The following SEMA5A variants were observed in gnomAD, a reference collection of about 807,000 sequenced individuals.
SEMA5A encodes the protein semaphorin-5A.
A neutral mutation model predicts 135.5 loss-of-function variants in SEMA5A; 55 were observed. The observed-to-expected ratio is 0.41, with a 90% CI of 0.33 to 0.51. The LOEUF is 0.51. SEMA5A is among the 20% of genes least tolerant of loss of function. The pLI is 0.37. For synonymous variants in SEMA5A, 580 were observed against 546.5 expected (o/e 1.06, Z -0.85); for missense variants, 1,290 against 1,419.9 (o/e 0.91, Z 1.47).
chr5:9,248,256 G>A (rs189369761), intron 5 of SEMA5A, among the ~76,000 whole-genome samples: 1 of 152,024 alleles, frequency 6.6e-6, no homozygotes, highest in East Asian at 1.9e-4. Context: ...GATGCCTTTT[G>A]TTATAATTTT....
chr5:9,131,977 G>T (rs1472548839), intron 13 of SEMA5A, among the ~76,000 whole-genome samples: 1 of 152,138 alleles, frequency 6.6e-6, no homozygotes, highest in Non-Finnish European at 1.5e-5. Context: ...ACAACATTAT[G>T]ATTTATGCAG....
intron 19 of SEMA5A, 183 bp downstream of exon 19, chr5:9,053,904 T>A (rs1736736411): frequency 1.7e-6 from 1 of 577,682 alleles, no homozygotes; most frequent in African/African-American, 1.9e-5. Flanking sequence ...TATAGCTCAG[T>A]GAGAACTATT....
At chr5:9,376,132 C>T (rs1579437334) in intron 3 of SEMA5A, among the ~76,000 whole-genome samples, 2 of 152,220 alleles carry the variant, frequency 1.3e-5, no homozygotes, top group South Asian at 2.1e-4. Context: ...CAGTAGCAGC[C>T]TCAGAATGGG....
At chr5:9,308,867 C>T (rs1751995169) in intron 5 of SEMA5A, among the ~76,000 whole-genome samples, 1 of 152,118 alleles carries the variant, frequency 6.6e-6, no homozygotes, top group Admixed American at 6.6e-5. Context: ...TGAGATGATG[C>T]TTGCAAAGTG....
At chr5:9,109,241 C>T (rs1313375179) in intron 15 of SEMA5A, among the ~76,000 whole-genome samples, 2 of 151,508 alleles carry the variant, frequency 1.3e-5, no homozygotes, top group African/African-American at 4.9e-5. Context: ...GGGGTTTCAC[C>T]GTTTTAGCCG....
At position 9,093,136 on chromosome 5, in the gene SEMA5A, G is replaced by A. The variant is rs575211805; in HGVS notation, c.2073+15004C>T. On this transcript the variant is annotated intron_variant, in intron 16 of 22. Transcript: ENST00000382496. ...GTACTTACTAAGGTAAATAAATTGT[G>A]ATAAGGAAGGAAGTTGTAACTAAAG... 3.9e-5 allele frequency among the ~76,000 whole-genome samples: 6 copies of A among 152,250 alleles called. No homozygotes were observed. In the South Asian group the frequency reaches 1.2e-3, roughly 32 times the overall value.
At chr5:9,347,731 G>A (rs1055736763) in intron 3 of SEMA5A, among the ~76,000 whole-genome samples, 7 of 152,130 alleles carry the variant, frequency 4.6e-5, no homozygotes, top group African/African-American at 1.7e-4. Context: ...TGGGGCAGGC[G>A]GCAGACAGGC....
At chr5:9,124,841 A>C (rs1339251181) in intron 13 of SEMA5A, among the ~76,000 whole-genome samples, 2 of 152,122 alleles carry the variant, frequency 1.3e-5, no homozygotes, top group African/African-American at 4.8e-5. Context: ...AGTGAACCGC[A>C]TGCTTTCACC....
At chr5:9,193,564 A>T (rs1745226350) in intron 10 of SEMA5A, among the ~76,000 whole-genome samples, 1 of 152,140 alleles carries the variant, frequency 6.6e-6, no homozygotes, top group South Asian at 2.1e-4. Context: ...GCCCAATTTT[A>T]ATGGTCCCTT....
At chr5:9,112,543 T>C (rs968907318) in intron 15 of SEMA5A, among the ~76,000 whole-genome samples, 3 of 152,320 alleles carry the variant, frequency 2.0e-5, no homozygotes, top group African/African-American at 7.2e-5. Context: ...AAGTCTACCA[T>C]AATATTTAAT....
At chr5:9,447,466 A>G (rs1453230446) in intron 1 of SEMA5A, among the ~76,000 whole-genome samples, 2 of 152,220 alleles carry the variant, frequency 1.3e-5, no homozygotes, top group African/African-American at 4.8e-5. Context: ...AATCAGTCCC[A>G]ATGACCTGTC....
chr5:9,042,831 G>C lies in SEMA5A; in HGVS notation c.*66C>G. On this transcript the variant is annotated 3_prime_UTR_variant, in exon 23 of 23. Transcript: ENST00000382496. ...TTCGACTCTGAAGCCTCAGAAACAT[G>C]GGCAGTCATGGGGCACAGGCCTTGA... 6.3e-7 allele frequency: 1 copy of C among 1,583,058 alleles called. No homozygotes were observed. The highest frequency in any genetic ancestry group is 8.6e-7 in the Non-Finnish European group (1 of 1,156,370).
chr5:9,083,586 T>TCATCCATC (rs60509063), intron 16 of SEMA5A, among the ~76,000 whole-genome samples: 626 of 45,056 alleles, frequency 0.014, 2 homozygotes, highest in African/African-American at 0.02. Flanking sequence ...ATTCATCCAT[T>TCATCCATC]CATCCATCCA....
At chr5:9,517,043 T>C (rs1351838583) in intron 1 of SEMA5A, 1 of 152,206 alleles carries the variant, frequency 6.6e-6, no homozygotes, top group Non-Finnish European at 1.5e-5. Context: ...GACTATCATA[T>C]CAATCCCTGA....
intron 2 of SEMA5A, among the ~76,000 whole-genome samples, chr5:9,381,989 C>T (rs1341580002): frequency 0.1 from 3,718 of 36,390 alleles, 164 homozygotes; most frequent in African/African-American, 0.24. Flanking sequence ...TGTGCGCGCG[C>T]GCGCACATCA....
chr5:9,318,078 C>T (rs1752468004), intron 5 of SEMA5A, among the ~76,000 whole-genome samples: 1 of 152,042 alleles, frequency 6.6e-6, no homozygotes, highest in African/African-American at 2.4e-5. Context: ...GGAATGTGTC[C>T]AGGCTTTGAA....
intron 16 of SEMA5A, among the ~76,000 whole-genome samples, chr5:9,096,777 T>C (rs1371938773): frequency 6.6e-6 from 1 of 151,976 alleles, no homozygotes; most frequent in Non-Finnish European, 1.5e-5. Context: ...AATTAAGAAA[T>C]GTCAAGGGAC....
rs111887068 is a variant in SEMA5A at position 9,197,870 on chromosome 5, A to T, written c.933-567T>A. ...ATAAAAAGTGACTGTCTGACTCTTC[A>T]TATTTTCTTTTAATGTAAAGTAGAT... On this transcript the variant is annotated intron_variant, in intron 9 of 22. Transcript: ENST00000382496. Among the ~76,000 whole-genome samples, 19 of 152,184 alleles carry T rather than the reference A, an allele frequency of 1.2e-4. 1 individual carries two copies. Among genetic ancestry groups the T allele is most frequent in the African/African-American group, 4.1e-4 (17 of 41,518 alleles).
chr5:9,200,700 A>T (rs1745658358), intron 9 of SEMA5A, among the ~76,000 whole-genome samples: 1 of 152,216 alleles, frequency 6.6e-6, no homozygotes, highest in African/African-American at 2.4e-5. Flanking sequence ...ATGGGGGGTA[A>T]AAGTTGTTAT....
Sources: gnomAD v4.1 joint callset for allele counts (sites outside exome capture counted in the v4.1 genomes callset) on GRCh38, gnomAD v4.1.1 for gene constraint, MANE v1.5 for transcripts, NCBI Gene and HGNC (gene_info 2026-07-23, HGNC 2026-07-21) for gene names.